The following FREM1 variants were observed in gnomAD, a reference collection of about 807,000 sequenced individuals.
FREM1 encodes the protein FRAS1-related extracellular matrix protein 1.
Under a neutral mutation model 210.1 loss-of-function variants are expected in FREM1, and 220 were observed. The observed-to-expected ratio is 1.05, with a 90% CI of 0.94 to 1.17. FREM1 has a LOEUF of 1.17. Among genes scored for constraint, FREM1 ranks in the 50% most tolerant of loss-of-function variants. The probability of loss-of-function intolerance (pLI) is 0.00; values close to 1 mark genes in which losing one functional copy is unlikely to be tolerated. For missense variants in FREM1, 3,454 were observed against 2,675.5 expected (o/e 1.29, Z -6.42); for synonymous variants, 1,189 against 980.2 (o/e 1.21, Z -3.98).
chr9:14,907,228 TCACAC>T lies in FREM1; in HGVS notation c.-268+2681_-268+2685del, dbSNP rs150711717. On this transcript the variant is annotated intron_variant, in intron 1 of 36. Transcript: ENST00000380880. ...GCTATGTTGTCAAAAAGCACATAAATCACACCTATAATTTCTTATCTTGATGGCCA... is the reference window on the plus strand; with the variant it reads ...GCTATGTTGTCAAAAAGCACATAAATCTATAATTTCTTATCTTGATGGCCA... 4.0e-3 allele frequency among the ~76,000 whole-genome samples: 611 copies of T among 152,272 alleles called. 3 individuals carry two copies. Among genetic ancestry groups the T allele is most frequent in the African/African-American group, 0.014 (575 of 41,536 alleles).
intron 24 of FREM1, among the ~76,000 whole-genome samples, chr9:14,778,823 G>A (rs981546579): frequency 6.6e-6 from 1 of 151,278 alleles, no homozygotes; most frequent in East Asian, 2.0e-4. Context: ...TGGGTGGAGC[G>A]CTCGAGCTCA....
Position 14,750,230 on chromosome 9 carries a change from T to C in FREM1, c.5454A>G (p.Leu1818=), listed in dbSNP as rs1163190347. The part of the protein sequence containing the change: ...MWNIAITYDG[L]EEDDEVFEVI... ...CTTCAAAGACCTCATCATCTTCCTC[T>C]AATCCGTCATAGGTAATTGCTATAT... The change falls in exon 30 of 37, where the codon TTA becomes TTG. Residue 1818 remains leucine, a synonymous_variant. Transcript: ENST00000380880. 9 of 1,613,036 alleles carry C rather than the reference T, an allele frequency of 5.6e-6. No homozygotes were observed. Among genetic ancestry groups the C allele is most frequent in the Non-Finnish European group, 7.6e-6 (9 of 1,179,152 alleles).
chr9:14,835,920 A>G (rs114848883), intron 10 of FREM1, among the ~76,000 whole-genome samples: 4,497 of 152,290 alleles, frequency 0.03, 234 homozygotes, highest in African/African-American at 0.1. Context: ...CCTACGTTTT[A>G]GACGAACCCT....
At position 14,745,662 on chromosome 9, in the gene FREM1, T is replaced by C. The variant is rs1842286345; in HGVS notation, c.6254+691A>G. ...GATCAATAATAACCAGAGACTTCCC[T>C]AGTCTCAATTTCCAGCCATAGGGCA... On this transcript the variant is annotated intron_variant, in intron 35 of 36. Coordinates refer to ENST00000380880, the MANE Select transcript of FREM1 (RefSeq NM_001379081.2). 2.0e-5 allele frequency among the ~76,000 whole-genome samples: 3 copies of C among 152,256 alleles called. No individual in the cohort carries two copies. The South Asian group carries it at 6.2e-4, about 31-fold the overall frequency.
chr9:14,757,807 G>T (rs1844709069), intron 28 of FREM1, among the ~76,000 whole-genome samples: 1 of 152,094 alleles, frequency 6.6e-6, no homozygotes, highest in Non-Finnish European at 1.5e-5. Flanking sequence ...TAATTGGTTA[G>T]CAGTGGAAAC....
intron 23 of FREM1, among the ~76,000 whole-genome samples, chr9:14,786,864 A>C (rs76853298): frequency 0.023 from 3,455 of 152,314 alleles, 80 homozygotes; most frequent in East Asian, 0.11. Flanking sequence ...CAAGGAAGTA[A>C]GAAGAATGAA....
At chr9:14,807,660 A>AACACACACACAAAGAC (rs1818628247) in intron 17 of FREM1, among the ~76,000 whole-genome samples, 1 of 124,440 alleles carries the variant, frequency 8.0e-6, no homozygotes, top group African/African-American at 2.6e-5. Context: ...TCCTTGTCCC[A>AACACACACACAAAGAC]ACACACACAC....
At chr9:14,797,749 C>A in intron 20 of FREM1, 107 bp from the exon 21 acceptor site, 1 of 908,524 alleles carries the variant, frequency 1.1e-6, no homozygotes, top group South Asian at 1.6e-5. Context: ...AGCAAGAGTT[C>A]ATTTATCAGT....
intron 13 of FREM1, among the ~76,000 whole-genome samples, chr9:14,821,939 T>C (rs2779505): frequency 0.8 from 120,968 of 152,004 alleles, 48,230 homozygotes; most frequent in East Asian, 0.93. Flanking sequence ...GCCATGTCCC[T>C]ACCCAAATCT....
chr9:14,832,400 C>G (rs140351721), intron 10 of FREM1, among the ~76,000 whole-genome samples: 2 of 152,152 alleles, frequency 1.3e-5, no homozygotes, highest in South Asian at 2.1e-4. Flanking sequence ...CAGCTCTGCA[C>G]GCAGAAGAGA....
chr9:14,827,280 G>C (rs756735879), intron 10 of FREM1, among the ~76,000 whole-genome samples: 4 of 152,190 alleles, frequency 2.6e-5, no homozygotes, highest in Admixed American at 1.3e-4. Context: ...AGATGGAAAT[G>C]AGGAATATCT....
intron 10 of FREM1, among the ~76,000 whole-genome samples, chr9:14,830,742 C>T (rs1393837020): frequency 6.6e-6 from 1 of 152,106 alleles, no homozygotes; most frequent in South Asian, 2.1e-4. Flanking sequence ...CACGTGTGTC[C>T]GTGTCGTTTT....
chr9:14,893,866 G>A (rs748798879), intron 1 of FREM1, among the ~76,000 whole-genome samples: 8 of 152,158 alleles, frequency 5.3e-5, no homozygotes, highest in Non-Finnish European at 1.2e-4. Flanking sequence ...AAGAGATTGT[G>A]TGTGTGAACA....
chr9:14,754,105 C>T (rs910929247), intron 29 of FREM1, among the ~76,000 whole-genome samples: 4 of 152,146 alleles, frequency 2.6e-5, no homozygotes, highest in African/African-American at 9.7e-5. Context: ...CTGATGGGCT[C>T]CTGAAACCTA....
intron 22 of FREM1, among the ~76,000 whole-genome samples, chr9:14,792,433 C>A (rs967653917): frequency 6.6e-6 from 1 of 151,976 alleles, no homozygotes; most frequent in African/African-American, 2.4e-5. Context: ...ATGAAGATAT[C>A]ACAAAAGATC....
chr9:14,884,963 C>G (rs1200254030), intron 1 of FREM1, among the ~76,000 whole-genome samples: 1 of 105,608 alleles, frequency 9.5e-6, no homozygotes, highest in Non-Finnish European at 1.7e-5. Context: ...CTCGCTCTGT[C>G]GCCCAGGCTG....
In FREM1 at chr9:14,748,592, A is replaced by C; in HGVS notation, c.5605T>G (p.Trp1869Gly). ...YSSNQSKHST[W>G]EKGIWHLLPP... ...AGCAGATGCCAAATGCCCTTCTCCC[A>C]TGTGCTGTGCTTGCTTTGGTTGGAG... is the stretch of plus-strand genomic sequence containing the variant. Residue 1869 changes from tryptophan (W) to glycine (G), a missense_variant, in exon 31 of 37, where the codon TGG becomes GGG. By Grantham distance (184) the Trp-to-Gly change is radical. Coordinates refer to ENST00000380880, the MANE Select transcript of FREM1 (RefSeq NM_001379081.2). 1 of 1,613,840 alleles carries C rather than the reference A, an allele frequency of 6.2e-7. No homozygotes were observed. The highest frequency in any genetic ancestry group is 8.5e-7 in the Non-Finnish European group (1 of 1,179,808).
chr9:14,833,742 A>C (rs1331133182), intron 10 of FREM1, among the ~76,000 whole-genome samples: 1 of 152,208 alleles, frequency 6.6e-6, no homozygotes, highest in Non-Finnish European at 1.5e-5. Context: ...GTATATTTAA[A>C]AGGCCTTTAT....
At chr9:14,765,031 G>A (rs1846141399) in intron 27 of FREM1, among the ~76,000 whole-genome samples, 1 of 152,150 alleles carries the variant, frequency 6.6e-6, no homozygotes, top group South Asian at 2.1e-4. Flanking sequence ...TTCTCATTAA[G>A]TATTTTGAGC....
Sources: gnomAD v4.1 joint callset for allele counts (sites outside exome capture counted in the v4.1 genomes callset) on GRCh38, gnomAD v4.1.1 for gene constraint, MANE v1.5 for transcripts, NCBI Gene and HGNC (gene_info 2026-07-23, HGNC 2026-07-21) for gene names.